RBFOX3: variants seen among roughly 807,000 people sequenced by gnomAD.
RBFOX3 encodes the protein RNA binding fox-1 homolog 3.
RBFOX3 carries 17 observed loss-of-function variants against 48.7 expected under a neutral mutation model. The observed-to-expected ratio is 0.35, with a 90% confidence interval of 0.24 to 0.52. RBFOX3 has a LOEUF of 0.52. Among genes scored for constraint, RBFOX3 ranks in the 20% least tolerant of loss-of-function variants. The pLI is 0.94. For synonymous variants in RBFOX3, 212 were observed against 209.5 expected (o/e 1.01, Z -0.10); for missense variants, 382 against 497.5 (o/e 0.77, Z 2.21).
At chr17:79,294,564 G>T (rs919405439) in intron 3 of RBFOX3, among the ~76,000 whole-genome samples, 2 of 152,066 alleles carry the variant, frequency 1.3e-5, no homozygotes, top group Non-Finnish European at 2.9e-5. Flanking sequence ...TGCCTGCCGC[G>T]ACTGGGATTA....
the RBFOX3 span, among the ~76,000 whole-genome samples, chr17:79,646,204 C>T: frequency 6.6e-6 from 1 of 152,144 alleles, no homozygotes; most frequent in Non-Finnish European, 1.5e-5. Context: ...ACCTTCCATC[C>T]CTTGTCACAC....
At chr17:79,367,478 C>G (rs1489815381) in intron 2 of RBFOX3, among the ~76,000 whole-genome samples, 1 of 151,948 alleles carries the variant, frequency 6.6e-6, no homozygotes, top group Non-Finnish European at 1.5e-5. Flanking sequence ...ATGTATCACC[C>G]AGCAGTTAGC....
chr17:79,193,591 CA>C (rs2033069648), intron 4 of RBFOX3, among the ~76,000 whole-genome samples: 1 of 152,154 alleles, frequency 6.6e-6, no homozygotes, highest in African/African-American at 2.4e-5. Context: ...GAGAAGGATG[CA>C]GTGGTTAAAA....
intron 1 of RBFOX3, among the ~76,000 whole-genome samples, chr17:79,587,483 T>A (rs2093287559): frequency 6.6e-6 from 1 of 152,232 alleles, no homozygotes; most frequent in African/African-American, 2.4e-5. Context: ...CTTGGACTTA[T>A]CTGTTGTGAT....
chr17:79,148,810 C>T (rs971276645), intron 4 of RBFOX3, among the ~76,000 whole-genome samples: 11 of 152,176 alleles, frequency 7.2e-5, no homozygotes, highest in African/African-American at 1.2e-4. Context: ...AGGGCCTCTG[C>T]GGGCCTGGCT....
intron 2 of RBFOX3, among the ~76,000 whole-genome samples, chr17:79,318,300 C>A (rs118185171): frequency 6.6e-6 from 1 of 152,290 alleles, no homozygotes; most frequent in East Asian, 1.9e-4. Flanking sequence ...ACCCAAAACT[C>A]CAGCACGGAG....
intron 9 of RBFOX3, 78 bp downstream of exon 9, chr17:79,101,506 G>A: frequency 7.7e-7 from 1 of 1,299,528 alleles, no homozygotes; most frequent in Non-Finnish European, 1.1e-6. Flanking sequence ...AGGTCAGCCT[G>A]CAGCAGCCTC....
chr17:79,453,014 G>A (rs2073827387), intron 2 of RBFOX3, among the ~76,000 whole-genome samples: 1 of 152,200 alleles, frequency 6.6e-6, no homozygotes, highest in Non-Finnish European at 1.5e-5. Context: ...CCAGGTCTCG[G>A]TTTACCCATC....
At chr17:79,298,109 G>A (rs567592519) in intron 3 of RBFOX3, 38 of 152,302 alleles carry the variant, frequency 2.5e-4, no homozygotes, top group African/African-American at 8.9e-4. Flanking sequence ...GCAAGCTCAG[G>A]AGCACTGGAG....
rs1387631111 is a variant in RBFOX3 at position 79,243,778 on chromosome 17, G to T, written c.-73-7973C>A. 6.6e-6 allele frequency among the ~76,000 whole-genome samples: 1 copy of T among 152,166 alleles called. No homozygotes were observed. The highest frequency in any genetic ancestry group is 1.9e-4 in the East Asian group (1 of 5,186). ...GGCTCAGAAACAGAAGCCCAGAGAA[G>T]GAATTTTGCCAAGGTTGACACAGCT... is the stretch of plus-strand genomic sequence containing the variant. On this transcript the variant is annotated intron_variant, in intron 3 of 14. Transcript: ENST00000693108. This position sits in a 1 kb window ranked among gnomAD's most constrained non-coding sequence, Gnocchi z 7.9.
chr17:79,228,990 G>A (rs1028564970), intron 4 of RBFOX3, among the ~76,000 whole-genome samples: 4 of 151,574 alleles, frequency 2.6e-5, no homozygotes, highest in Non-Finnish European at 5.9e-5. Context: ...CACTTTGGGA[G>A]GCCGAGATGG....
At chr17:79,186,568 A>C (rs1281468505) in intron 4 of RBFOX3, among the ~76,000 whole-genome samples, 1 of 148,894 alleles carries the variant, frequency 6.7e-6, no homozygotes, top group African/African-American at 2.4e-5. Flanking sequence ...GGCCCTGAGC[A>C]GGGGGTGGGG....
rs562240541 is a variant in RBFOX3 at position 79,165,618 on chromosome 17, C to T, written c.-33-49870G>A. Among the ~76,000 whole-genome samples the T allele has an allele frequency of 4.1e-3, 625 of 152,330 alleles. 3 individuals carry two copies. The highest frequency in any genetic ancestry group is 6.5e-3 in the Non-Finnish European group (441 of 68,024). On this transcript the variant is annotated intron_variant, in intron 4 of 14. Coordinates refer to ENST00000693108, the MANE Select transcript of RBFOX3 (RefSeq NM_001350451.2). The stretch of plus-strand genomic sequence containing the variant: ...CTCTCCTGTTTTCTGGCTCCGGAGC[C>T]CCCTGGAGAAATTCTGGCTTCGCCG...
chr17:79,112,842 G>A (rs1448262329), intron 5 of RBFOX3, among the ~76,000 whole-genome samples: 5 of 150,520 alleles, frequency 3.3e-5, no homozygotes, highest in African/African-American at 1.2e-4. Flanking sequence ...TGGCATCTGG[G>A]TCCAGGGAGC....
At chr17:79,366,048 C>T (rs1035276067) in intron 2 of RBFOX3, among the ~76,000 whole-genome samples, 1 of 152,280 alleles carries the variant, frequency 6.6e-6, no homozygotes, top group East Asian at 1.9e-4. Context: ...ACAGGGGACA[C>T]ACCATGCTGC....
chr17:79,141,394 C>A (rs1168289760), intron 4 of RBFOX3, among the ~76,000 whole-genome samples: 1 of 152,194 alleles, frequency 6.6e-6, no homozygotes, highest in Non-Finnish European at 1.5e-5. Context: ...AGGCAGAAGG[C>A]AGAGGCCCTG....
chr17:79,265,392 A>G (rs1005305828), intron 3 of RBFOX3, among the ~76,000 whole-genome samples: 1 of 152,188 alleles, frequency 6.6e-6, no homozygotes, highest in Admixed American at 6.5e-5. Context: ...GCAGCAGCTG[A>G]CACTGTCCTC....
intron 4 of RBFOX3, among the ~76,000 whole-genome samples, chr17:79,186,737 AG>A (rs1240231927): frequency 1.3e-5 from 2 of 152,232 alleles, no homozygotes; most frequent in East Asian, 3.9e-4. Flanking sequence ...GGGCCTTGTT[AG>A]GCAGGCAGGA....
At chr17:79,498,176 G>A (rs1359468643) in intron 1 of RBFOX3, among the ~76,000 whole-genome samples, 4 of 152,336 alleles carry the variant, frequency 2.6e-5, no homozygotes, top group African/African-American at 9.6e-5. Context: ...TTGACTCAGG[G>A]CCAGTTTTGG....
Sources: allele counts gnomAD v4.1 joint callset (sites outside exome capture counted in the v4.1 genomes callset), GRCh38; gene constraint gnomAD v4.1.1; non-coding constraint Gnocchi (gnomAD v3.1); transcripts MANE v1.5; gene names NCBI Gene and HGNC (gene_info 2026-07-23, HGNC 2026-07-21).